The following OSBPL10 variants were observed in gnomAD, a reference collection of about 807,000 sequenced individuals.
OSBPL10 encodes oxysterol-binding protein-related protein 10.
Under a neutral mutation model 81.7 loss-of-function variants are expected in OSBPL10, and 49 were observed. The observed-to-expected ratio is 0.60, with a 90% CI of 0.48 to 0.76. The LOEUF is 0.76. OSBPL10 is among the 30% of genes least tolerant of loss of function. The probability of loss-of-function intolerance (pLI) is 0.00; values close to 1 mark genes in which losing one functional copy is unlikely to be tolerated. For synonymous variants in OSBPL10, 419 were observed against 383.6 expected (o/e 1.09, Z -1.08); for missense variants, 923 against 987.8 (o/e 0.93, Z 0.88).
chr3:31,725,584 C>A (rs899842070), intron 6 of OSBPL10, among the ~76,000 whole-genome samples: 1 of 152,168 alleles, frequency 6.6e-6, no homozygotes, highest in Non-Finnish European at 1.5e-5. Flanking sequence ...CCACTTAGCA[C>A]CTGTTAGATA....
chr3:31,807,322 G>A (rs371843961), intron 4 of OSBPL10, among the ~76,000 whole-genome samples: 2 of 152,044 alleles, frequency 1.3e-5, no homozygotes, highest in African/African-American at 4.8e-5. Context: ...GCAGTGAGCA[G>A]AGATCGTGCC....
At chr3:31,667,489 C>A (rs954047797) in intron 10 of OSBPL10, among the ~76,000 whole-genome samples, 1 of 152,208 alleles carries the variant, frequency 6.6e-6, no homozygotes, top group Non-Finnish European at 1.5e-5. Context: ...ACTGTGGTAT[C>A]CCTGCTTTGT....
chr3:32,001,152 A>G (rs935956387), intron 2 of OSBPL10, among the ~76,000 whole-genome samples: 1 of 152,164 alleles, frequency 6.6e-6, no homozygotes, highest in Non-Finnish European at 1.5e-5. Flanking sequence ...GCTTTATGGC[A>G]TAAGCTCCCT....
At chr3:31,980,328 A>G (rs1383803843) in intron 1 of OSBPL10, among the ~76,000 whole-genome samples, 2 of 152,152 alleles carry the variant, frequency 1.3e-5, no homozygotes, top group Non-Finnish European at 2.9e-5. Context: ...CAAAACTTCC[A>G]TTACAAACAT....
Position 31,828,394 on chromosome 3 carries a change from A to C in OSBPL10, c.729+1646T>G, listed in dbSNP as rs1575570616. ...GTGATGGATATAGGGTTGCATTACT[A>C]TTCTATTTTGCATATATTTGAAAAT... On this transcript the variant is annotated intron_variant, in intron 4 of 11. Transcript: ENST00000396556. 2.0e-5 allele frequency among the ~76,000 whole-genome samples: 3 copies of C among 152,358 alleles called. No homozygotes were observed. In the East Asian group the frequency reaches 5.8e-4, roughly 29 times the overall value.
intron 8 of OSBPL10, among the ~76,000 whole-genome samples, chr3:31,680,733 G>C (rs1180788152): frequency 3.3e-5 from 5 of 152,160 alleles, no homozygotes; most frequent in African/African-American, 1.2e-4. Flanking sequence ...CCCCTCTAAG[G>C]AGCCTGGGAT....
chr3:31,909,403 T>G (rs1045230326), intron 1 of OSBPL10, among the ~76,000 whole-genome samples: 1 of 152,142 alleles, frequency 6.6e-6, no homozygotes, highest in Admixed American at 6.5e-5. Flanking sequence ...ACCTGAAGAT[T>G]AGTTTTGGGA....
chr3:31,876,460 G>T lies in OSBPL10; in HGVS notation c.510C>A (p.Ala170=). 6.2e-7 allele frequency: 1 copy of T among 1,613,384 alleles called. No homozygotes were observed. Among genetic ancestry groups the T allele is most frequent in the Non-Finnish European group, 8.5e-7 (1 of 1,179,346 alleles). Residue 170 remains alanine, a synonymous_variant, in exon 3 of 12, where the codon GCC becomes GCA. Transcript: ENST00000396556. ...TAGAATTCATTTCCATGTGGTATTT[G>T]GCACAAGCTCGAAGCTGAGTCACCC... ...QFWVTQLRAC[A]KYHMEMNSKS... is the part of the protein sequence containing the mutation.
chr3:31,708,128 G>A (rs1242443920), intron 6 of OSBPL10, among the ~76,000 whole-genome samples: 1 of 152,020 alleles, frequency 6.6e-6, no homozygotes, highest in Non-Finnish European at 1.5e-5. Context: ...TTAGAGACAG[G>A]GTCTTGCTAT....
At chr3:31,950,803 C>A (rs1304855810) in intron 1 of OSBPL10, among the ~76,000 whole-genome samples, 1 of 152,102 alleles carries the variant, frequency 6.6e-6, no homozygotes, top group Non-Finnish European at 1.5e-5. Context: ...TTTAAAGGAG[C>A]CTAGCATCTC....
rs545406070 is a variant in OSBPL10, at chr3:32,073,345, A to T, written n.185+4051T>A. On this transcript the variant is annotated intron_variant and non_coding_transcript_variant, in intron 1 of 3. Coordinates refer to the OSBPL10 transcript ENST00000479173. ...GCTGGACGATCAGTTCTTGTTAAGA[A>T]TCTGACCCCTCAAACTCTACAACCT... Among the ~76,000 whole-genome samples the T allele has an allele frequency of 3.9e-5, 6 of 152,228 alleles. No individual in the cohort carries two copies. In the South Asian group the frequency reaches 8.3e-4, roughly 21 times the overall value.
intron 9 of OSBPL10, among the ~76,000 whole-genome samples, chr3:31,669,138 T>A (rs373613750): frequency 9.2e-5 from 14 of 151,808 alleles, no homozygotes; most frequent in African/African-American, 2.9e-4. Context: ...CAAGAAAAAA[T>A]AAGTGGGAAG....
chr3:31,834,430 G>A (rs1207475646), intron 3 of OSBPL10, among the ~76,000 whole-genome samples: 5 of 152,188 alleles, frequency 3.3e-5, no homozygotes, highest in South Asian at 2.1e-4. Context: ...CCCTTGCTTC[G>A]TAAGCACCTG....
At chr3:32,069,510 A>G (rs993088703) in intron 1 of OSBPL10, among the ~76,000 whole-genome samples, 5 of 152,216 alleles carry the variant, frequency 3.3e-5, no homozygotes, top group Admixed American at 6.5e-5. Context: ...ACGAAAACCC[A>G]GCCCAGTTCA....
At chr3:32,024,486 A>ATTT (rs34141476) in intron 2 of OSBPL10, among the ~76,000 whole-genome samples, 1,245 of 111,620 alleles carry the variant, frequency 0.011, 52 homozygotes, top group African/African-American at 0.027. Flanking sequence ...TGTGAATGGA[A>ATTT]TTTTTTTTTT....
chr3:31,968,092 A>G (rs1022263483), intron 1 of OSBPL10, among the ~76,000 whole-genome samples: 1 of 152,230 alleles, frequency 6.6e-6, no homozygotes, highest in Admixed American at 6.5e-5. Context: ...CAGTTGCTTT[A>G]TTATTTTTTC....
chr3:31,787,242 G>T (rs1698881438), intron 4 of OSBPL10, among the ~76,000 whole-genome samples: 1 of 152,090 alleles, frequency 6.6e-6, no homozygotes, highest in East Asian at 1.9e-4. Context: ...AGGCTTCAGG[G>T]GTATTTGTGG....
chr3:31,879,610 A>G (rs759174159), intron 2 of OSBPL10, 45 bp downstream of exon 2: 1 of 1,553,792 alleles, frequency 6.4e-7, no homozygotes, highest in Non-Finnish European at 8.7e-7. Flanking sequence ...CCATCACCAT[A>G]GCAACTAGAG....
intron 4 of OSBPL10, among the ~76,000 whole-genome samples, chr3:31,806,797 G>C (rs1032454631): frequency 1.3e-5 from 2 of 151,896 alleles, no homozygotes; most frequent in African/African-American, 2.4e-5. Context: ...GTTGGGGGGT[G>C]GGGGGAGCCA....
Sources: allele counts gnomAD v4.1 joint callset (sites outside exome capture counted in the v4.1 genomes callset), GRCh38; gene constraint gnomAD v4.1.1; transcripts MANE v1.5; gene names NCBI Gene and HGNC (gene_info 2026-07-23, HGNC 2026-07-21).